MASP2: variants seen among roughly 807,000 people sequenced by gnomAD.
The protein encoded by MASP2 is mannan-binding lectin serine protease 2.
In MASP2, 49 loss-of-function variants were observed where a neutral mutation model predicts 57.1. That is an observed-to-expected ratio of 0.86 (90% CI 0.68 to 1.09). The LOEUF is 1.09. MASP2 is among the 50% of genes least tolerant of loss of function. The probability of loss-of-function intolerance (pLI) is 0.00; values close to 1 mark genes in which losing one functional copy is unlikely to be tolerated. For synonymous variants in MASP2, 379 were observed against 340.8 expected (o/e 1.11, Z -1.24); for missense variants, 900 against 874.8 (o/e 1.03, Z -0.36).
chr1:11,042,336 A>T (rs774403638), intron 6 of MASP2, among the ~76,000 whole-genome samples: 8 of 150,196 alleles, frequency 5.3e-5, no homozygotes, highest in African/African-American at 7.4e-5. Flanking sequence ...AGCTGGAAGG[A>T]TGAATGGACT....
intron 6 of MASP2, among the ~76,000 whole-genome samples, chr1:11,038,357 C>G (rs1289849889): frequency 6.6e-6 from 1 of 152,178 alleles, no homozygotes; most frequent in African/African-American, 2.4e-5. Flanking sequence ...GAGCTGTAAT[C>G]AACCCTCACA....
chr1:11,047,056 AGGCCACTTCGGGCCCAAGGGGGT>A lies in MASP2; in HGVS notation c.46_68del (p.Thr16Ter), dbSNP rs1302311908. 1.9e-6 allele frequency: 3 copies of A among 1,550,880 alleles called. No homozygotes were observed. Among genetic ancestry groups the A allele is most frequent in the Non-Finnish European group, 2.6e-6 (3 of 1,147,178 alleles). ...ATGCCAGGCGCCCGAACACAGGTTC[AGGCCACTTCGGGCCCAAGGGGGT>A]GGCCACCGAGCCACACAGAAGGCCC... is the stretch of plus-strand genomic sequence containing the variant. On this transcript the variant is annotated frameshift_variant, in exon 2 of 11. Coordinates refer to ENST00000400897, the MANE Select transcript of MASP2 (RefSeq NM_006610.4). LOFTEE classifies it high-confidence loss of function.
intron 10 of MASP2, among the ~76,000 whole-genome samples, chr1:11,028,079 G>A (rs907286311): frequency 6.6e-6 from 1 of 151,916 alleles, no homozygotes; most frequent in African/African-American, 2.4e-5. Context: ...AAAATTAGCC[G>A]GGCGTGGTGA....
At chr1:11,034,243 G>GA (rs59936951) in intron 8 of MASP2, among the ~76,000 whole-genome samples, 1,275 of 65,696 alleles carry the variant, frequency 0.019, 11 homozygotes, top group South Asian at 0.036. Context: ...ACCCTTCTCA[G>GA]AAAAAAAAAA....
chr1:11,037,942 G>C, intron 6 of MASP2, 131 bp from the exon 7 acceptor site: 1 of 508,042 alleles, frequency 2.0e-6, no homozygotes, highest in South Asian at 3.3e-5. Flanking sequence ...ACGTGGGGTA[G>C]GGTTCTTTAA....
chr1:11,027,233 AG>A lies in MASP2; in HGVS notation c.1712del (p.Ser571LeufsTer5). ...AACCCCTTTGGGTTAATCCCCATCC[AG>A]ATGCAGTTCCAATGTCATCTGTCCT... ...FMRTDDIGTA[S>X]GWGLTQRGFL... On this transcript the variant is annotated frameshift_variant, in exon 11 of 11. Coordinates refer to ENST00000400897, the MANE Select transcript of MASP2 (RefSeq NM_006610.4). LOFTEE classifies it low-confidence loss of function (END_TRUNC). 1 of 1,614,242 alleles carries A rather than the reference AG, an allele frequency of 6.2e-7. No homozygotes were observed. The highest frequency in any genetic ancestry group is 8.5e-7 in the Non-Finnish European group (1 of 1,180,050).
At position 11,046,971 on chromosome 1, in the gene MASP2, G is replaced by A. The variant is rs570974459; in HGVS notation, c.154C>T (p.Pro52Ser). ...DQERRWTLTA[P>S]PGYRLRLYFT... ...TAGAGGCGCAGGCGGTAGCCGGGGG[G>A]TGCAGTCAGGGTCCAGCGCCGCTCC... Residue 52 changes from proline to serine, a missense_variant, in exon 2 of 11, where the codon CCC (proline) becomes TCC (serine). By Grantham distance (74) the Pro-to-Ser change is moderately conservative. Coordinates refer to ENST00000400897, the MANE Select transcript of MASP2 (RefSeq NM_006610.4). 9.6e-6 allele frequency: 15 copies of A among 1,561,782 alleles called. No individual in the cohort carries two copies. The highest frequency in any genetic ancestry group is 3.5e-5 in the South Asian group (3 of 84,864).
chr1:11,036,510 C>CAAAAAAAAAAAAAAAAA (rs35642467), intron 7 of MASP2, among the ~76,000 whole-genome samples: 19 of 54,328 alleles, frequency 3.5e-4, no homozygotes, highest in African/African-American at 8.1e-4. Context: ...GACTCCGTCT[C>CAAAAAAAAAAAAAAAAA]AAAAAAAAAA....
intron 4 of MASP2, chr1:11,044,923 C>T (rs373385593): frequency 5.6e-6 from 9 of 1,605,552 alleles, no homozygotes; most frequent in Admixed American, 1.7e-5. Flanking sequence ...CTGGGCAGGC[C>T]GGAGCTCCAG....
chr1:11,037,913 T>C, intron 6 of MASP2, 102 bp from the exon 7 acceptor site: 1 of 611,088 alleles, frequency 1.6e-6, no homozygotes. Flanking sequence ...ATACTTAACA[T>C]GTAAAGAGAG....
At chr1:11,042,806 G>T in intron 6 of MASP2, 69 bp downstream of exon 6, 1 of 1,558,872 alleles carries the variant, frequency 6.4e-7, no homozygotes, top group Non-Finnish European at 8.8e-7. Context: ...ACACTCTACA[G>T]CTCCTTGACA....
chr1:11,037,680 T>C lies in MASP2; in HGVS notation c.1008+13A>G, dbSNP rs1445390685. On this transcript the variant is annotated intron_variant, in intron 7 of 10. Transcript: ENST00000400897. ...AATCGTCATTGATCGTGGTGTACTT[T>C]GTTTTAACTCACTTGCAGAAGCTCA... The C allele has an allele frequency of 6.5e-7, 1 of 1,536,126 alleles. No individual in the cohort carries two copies. The highest frequency in any genetic ancestry group is 1.8e-5 in the Admixed American group (1 of 54,856).
At chr1:11,035,473 G>A (rs1643880042) in intron 7 of MASP2, among the ~76,000 whole-genome samples, 1 of 152,158 alleles carries the variant, frequency 6.6e-6, no homozygotes, top group African/African-American at 2.4e-5. Context: ...GTTGCAGTGA[G>A]CCGATATTGC....
chr1:11,045,565 G>A (rs369938344), intron 3 of MASP2, 26 bp from the exon 4 acceptor site: 71 of 1,590,248 alleles, frequency 4.5e-5, no homozygotes, highest in Non-Finnish European at 5.7e-5. Context: ...GGCCAGGCAG[G>A]CCGTCAGGAG....
At chr1:11,044,780 GA>G in intron 4 of MASP2, 1 of 1,227,110 alleles carries the variant, frequency 8.1e-7, no homozygotes, top group Non-Finnish European at 1.1e-6. Context: ...TCCCACCCCA[GA>G]GACACGTGGC....
chr1:11,046,798 C>G (rs750818016), intron 2 of MASP2, 65 bp from the exon 3 acceptor site: 557 of 1,562,288 alleles, frequency 3.6e-4, no homozygotes, highest in Admixed American at 5.8e-4. Flanking sequence ...CCTGGCCAAG[C>G]CTGGCCCCTG....
rs1382797949 is a variant in MASP2 at position 11,045,754 on chromosome 1, G to A, written c.413-215C>T. ...GGAGAAAGATGCAAACATCACCTCTGTTAAACCAGTGGGAGTTTCAGTGTC... is the reference window on the plus strand; with the variant it reads ...GGAGAAAGATGCAAACATCACCTCTATTAAACCAGTGGGAGTTTCAGTGTC... On this transcript the variant is annotated intron_variant, in intron 3 of 10. Transcript: ENST00000400897. 3.8e-5 allele frequency: 22 copies of A among 581,530 alleles called. No homozygotes were observed. The East Asian group carries it at 6.1e-4, about 16-fold the overall frequency. 36.0% of individuals were successfully genotyped at this position (581,530 alleles called of 1,614,324 possible). A position where few individuals can be genotyped will look rare whatever the true frequency, so the allele number is the denominator to read the frequency against.
At chr1:11,030,707 T>TC (rs1337004500) in intron 9 of MASP2, 41 bp downstream of exon 9, 2 of 1,553,218 alleles carry the variant, frequency 1.3e-6, no homozygotes, top group Non-Finnish European at 1.7e-6. Flanking sequence ...GGGCTCAAGT[T>TC]CCAAGTATTG....
chr1:11,042,984 C>T lies in MASP2; in HGVS notation c.780G>A (p.Gly260=). Residue 260 remains glycine, a synonymous_variant, in exon 6 of 11, where the codon GGG becomes GGA. Transcript: ENST00000400897. ...TDREEHGPFC[G]KTLPHRIETK... is the part of the protein sequence containing the mutation. ...TTTCAATCCTGTGGGGCAATGTCTT[C>T]CCACAGAATGGGCCATGTTCTTCTC... is the stretch of plus-strand genomic sequence containing the variant. 6.2e-7 allele frequency: 1 copy of T among 1,613,998 alleles called. No homozygotes were observed. The highest frequency in any genetic ancestry group is 2.2e-5 in the East Asian group (1 of 44,886).
Sources: gnomAD v4.1 joint callset for allele counts (sites outside exome capture counted in the v4.1 genomes callset) on GRCh38, gnomAD v4.1.1 for gene constraint, MANE v1.5 for transcripts, NCBI Gene and HGNC (gene_info 2026-07-23, HGNC 2026-07-21) for gene names.